RTN3: variants seen among roughly 807,000 people sequenced by gnomAD.
RTN3 encodes the protein reticulon-3.
RTN3 carries 49 observed loss-of-function variants against 77.8 expected under a neutral mutation model. The ratio of observed to expected loss-of-function variants is 0.63; its 90% confidence interval spans 0.50 to 0.80. RTN3 has a LOEUF of 0.80. Among genes scored for constraint, RTN3 ranks in the 30% least tolerant of loss-of-function variants. RTN3 has a pLI of 0.00. For missense variants in RTN3, 1,236 were observed against 1,211.9 expected, an observed-to-expected ratio of 1.02 and a Z score of -0.29; for synonymous variants, 464 against 446.9, an observed-to-expected ratio of 1.04 and a Z score of -0.48.
At chr11:63,723,396 G>A (rs2011962050) in intron 3 of RTN3, among the ~76,000 whole-genome samples, 2 of 149,304 alleles carry the variant, frequency 1.3e-5, no homozygotes, top group Non-Finnish European at 3.0e-5. Flanking sequence ...ATGCATCAGT[G>A]TCTAGTTTTA....
chr11:63,757,689 A>G (rs923745988), intron 8 of RTN3, among the ~76,000 whole-genome samples: 1 of 149,782 alleles, frequency 6.7e-6, no homozygotes, highest in Non-Finnish European at 1.5e-5. Context: ...TGTGAACCTA[A>G]CGCTTTGAAT....
intron 1 of RTN3, among the ~76,000 whole-genome samples, chr11:63,702,120 G>A (rs1301557157): frequency 1.3e-5 from 2 of 152,040 alleles, no homozygotes; most frequent in Admixed American, 1.3e-4. Context: ...TCTAATATTT[G>A]TGAAAATATT....
intron 3 of RTN3, among the ~76,000 whole-genome samples, chr11:63,727,054 G>C (rs891036246): frequency 6.6e-6 from 1 of 151,710 alleles, no homozygotes; most frequent in Non-Finnish European, 1.5e-5. Flanking sequence ...AGCCAGGCAT[G>C]GTGGCCTGTG....
chr11:63,720,901 G>A lies in RTN3; in HGVS notation c.2399G>A (p.Gly800Glu). Residue 800 changes from glycine to glutamate, a missense_variant, in exon 3 of 9, where the codon GGA becomes GAA. By Grantham distance (98) the Gly-to-Glu change is moderately conservative (BLOSUM62 -2). Transcript: ENST00000377819. ...YDILERNVKN[G>E]SDLGISQKPI... ...ATCCTAGAACGTAATGTCAAGAATG[G>A]ATCTGATCTTGGGATTTCCCAGAAG... 2 of 1,614,084 alleles carry A rather than the reference G, an allele frequency of 1.2e-6. No homozygotes were observed. Among genetic ancestry groups the A allele is most frequent in the Non-Finnish European group, 1.7e-6 (2 of 1,180,024 alleles).
chr11:63,683,972 T>TTTTA (rs1375625604), intron 1 of RTN3, among the ~76,000 whole-genome samples: 7 of 136,114 alleles, frequency 5.1e-5, no homozygotes, highest in Admixed American at 7.3e-5. Context: ...TTTTTTTTTT[T>TTTTA]AGACAAGGTC....
intron 2 of RTN3, among the ~76,000 whole-genome samples, chr11:63,712,821 C>T (rs1290919849): frequency 1.3e-5 from 2 of 152,064 alleles, no homozygotes; most frequent in Admixed American, 1.3e-4. Flanking sequence ...TTTGGCCGGG[C>T]GCAATGGCTC....
intron 4 of RTN3, 81 bp from the exon 5 acceptor site, chr11:63,752,426 A>G (rs978336008): frequency 3.5e-6 from 5 of 1,417,680 alleles, no homozygotes; most frequent in South Asian, 1.2e-5. Context: ...CTGGGAACCA[A>G]TTTTACATTC....
At chr11:63,693,339 T>C (rs500726) in intron 1 of RTN3, among the ~76,000 whole-genome samples, 31,682 of 151,910 alleles carry the variant, frequency 0.21, 4,604 homozygotes, top group African/African-American at 0.41. Context: ...CAAAATTAGC[T>C]GGGCATGGTG....
chr11:63,702,439 G>A (rs756762014), intron 1 of RTN3, among the ~76,000 whole-genome samples: 12 of 147,992 alleles, frequency 8.1e-5, no homozygotes, highest in Admixed American at 2.7e-4. Context: ...CTCAGCCTTC[G>A]GAGTAGCTGG....
At chr11:63,749,261 A>C (rs1247387471) in intron 3 of RTN3, among the ~76,000 whole-genome samples, 1 of 152,200 alleles carries the variant, frequency 6.6e-6, no homozygotes, top group Non-Finnish European at 1.5e-5. Context: ...CCCAGGTGAC[A>C]GAGTGAGACG....
At chr11:63,753,604 C>G in intron 6 of RTN3, 58 bp from the exon 7 acceptor site, 1 of 1,458,282 alleles carries the variant, frequency 6.9e-7, no homozygotes, top group Non-Finnish European at 9.6e-7. Flanking sequence ...TACTCTGAGT[C>G]TTAAGATGTG....
intron 4 of RTN3, chr11:63,750,421 C>A: frequency 8.0e-6 from 4 of 498,466 alleles, no homozygotes; most frequent in East Asian, 3.4e-5. Flanking sequence ...ACTTGAAGTT[C>A]AAAGAGGGAG....
At chr11:63,757,355 TG>T (rs2014431214) in intron 8 of RTN3, among the ~76,000 whole-genome samples, 1 of 152,196 alleles carries the variant, frequency 6.6e-6, no homozygotes, top group African/African-American at 2.4e-5. Context: ...CTTTCTTTTT[TG>T]TTTTGCTTTC....
intron 1 of RTN3, among the ~76,000 whole-genome samples, chr11:63,696,539 C>CA (rs1490666927): frequency 3.1e-5 from 4 of 127,534 alleles, no homozygotes; most frequent in Non-Finnish European, 4.8e-5. Context: ...GGGGCCCTGT[C>CA]ACTATTTTTT....
chr11:63,699,110 A>G (rs1942106433), intron 1 of RTN3, among the ~76,000 whole-genome samples: 1 of 152,114 alleles, frequency 6.6e-6, no homozygotes, highest in Non-Finnish European at 1.5e-5. Flanking sequence ...AGCATGGTGA[A>G]ACCCCACTAA....
intron 1 of RTN3, among the ~76,000 whole-genome samples, chr11:63,697,038 C>G (rs1461550085): frequency 6.6e-6 from 1 of 151,290 alleles, no homozygotes; most frequent in Non-Finnish European, 1.5e-5. Context: ...ACGCCTGCCA[C>G]CATACCCGAC....
At chr11:63,707,252 G>A (rs1270800053) in intron 2 of RTN3, among the ~76,000 whole-genome samples, 5 of 151,894 alleles carry the variant, frequency 3.3e-5, no homozygotes, top group African/African-American at 2.4e-5. Flanking sequence ...ACGGTGTAAC[G>A]GTGTAACCCA....
At chr11:63,737,143 AATTCC>A (rs1222126182) in intron 3 of RTN3, among the ~76,000 whole-genome samples, 1 of 152,012 alleles carries the variant, frequency 6.6e-6, no homozygotes, top group Non-Finnish European at 1.5e-5. Context: ...TCCATCTTAG[AATTCC>A]GCCTGCCACA....
Position 63,719,920 on chromosome 11 carries a change from C to T in RTN3, c.1418C>T (p.Pro473Leu), listed in dbSNP as rs1342216433. The change falls in exon 3 of 9, where the codon CCT (proline) becomes CTT (leucine). Residue 473 changes from proline to leucine, a missense_variant. Physicochemically the swap from Pro to Leu is moderately conservative, Grantham distance 98 (BLOSUM62 -3). Transcript: ENST00000377819. Reference protein sequence around the residue: ...SGVATVKVVLPDDHLKDEMDW... With the variant: ...SGVATVKVVLLDDHLKDEMDW... ...GTGGCCACAGTGAAAGTGGTTTTAC[C>T]TGATGACCACCTGAAAGATGAAATG... 3.1e-6 allele frequency: 5 copies of T among 1,613,994 alleles called. No homozygotes were observed. In the African/African-American group the frequency reaches 4.0e-5, roughly 13 times the overall value.
Sources: allele counts gnomAD v4.1 joint callset (sites outside exome capture counted in the v4.1 genomes callset), GRCh38; gene constraint gnomAD v4.1.1; transcripts MANE v1.5; gene names NCBI Gene and HGNC (gene_info 2026-07-23, HGNC 2026-07-21).